The following WWOX variants were observed in gnomAD, a reference collection of about 807,000 sequenced individuals.
WWOX encodes the protein WW domain containing oxidoreductase.
A neutral mutation model predicts 46.2 loss-of-function variants in WWOX; 69 were observed. The ratio of observed to expected loss-of-function variants is 1.49; its 90% CI spans 1.23 to 1.82. The LOEUF is 1.82. Among genes scored for constraint, WWOX ranks in the 40% most tolerant of loss-of-function variants. The pLI is 0.00. For synonymous variants in WWOX, 359 were observed against 202.6 expected (o/e 1.77, Z -6.56); for missense variants, 919 against 542.6 (o/e 1.69, Z -6.89).
intron 8 of WWOX, among the ~76,000 whole-genome samples, chr16:78,921,690 C>G (rs948242647): frequency 1.3e-5 from 2 of 152,134 alleles, no homozygotes; most frequent in Non-Finnish European, 2.9e-5. Context: ...CTTCTGAGTA[C>G]TAACTGTTAA....
At chr16:78,476,515 T>C (rs2084351758) in intron 8 of WWOX, among the ~76,000 whole-genome samples, 3 of 151,732 alleles carry the variant, frequency 2.0e-5, no homozygotes, top group Admixed American at 2.0e-4. Context: ...AAATGACGAG[T>C]TAATGGGTGC....
chr16:79,196,774 T>G (rs2051249103), intron 8 of WWOX, among the ~76,000 whole-genome samples: 1 of 152,034 alleles, frequency 6.6e-6, no homozygotes, highest in Non-Finnish European at 1.5e-5. Flanking sequence ...TTTCACTTGT[T>G]GTAGAGATGT....
intron 5 of WWOX, among the ~76,000 whole-genome samples, chr16:78,325,703 C>A (rs1484450475): frequency 2.0e-5 from 3 of 152,208 alleles, no homozygotes; most frequent in Admixed American, 6.5e-5. Context: ...GGGCTTTTGT[C>A]ACCCTGTGTT....
intron 8 of WWOX, among the ~76,000 whole-genome samples, chr16:78,661,397 T>C (rs1597408523): frequency 6.6e-6 from 1 of 152,176 alleles, no homozygotes; most frequent in Non-Finnish European, 1.5e-5. Context: ...ATCCCTAAGC[T>C]GGGCAATTTT....
At chr16:78,854,764 A>G (rs1300435528) in intron 8 of WWOX, among the ~76,000 whole-genome samples, 1 of 152,106 alleles carries the variant, frequency 6.6e-6, no homozygotes, top group Non-Finnish European at 1.5e-5. Flanking sequence ...TATTTTTAGT[A>G]AAGATGGGGT....
intron 5 of WWOX, among the ~76,000 whole-genome samples, chr16:78,352,533 C>A (rs1284727284): frequency 6.6e-6 from 1 of 152,190 alleles, no homozygotes; most frequent in Admixed American, 6.5e-5. Flanking sequence ...CTCAAACTGC[C>A]CTGTTCCTGG....
intron 5 of WWOX, among the ~76,000 whole-genome samples, chr16:78,253,661 G>A (rs1217865364): frequency 1.3e-5 from 2 of 152,034 alleles, no homozygotes; most frequent in African/African-American, 2.4e-5. Flanking sequence ...CAAAGATATC[G>A]TAAATATATT....
intron 8 of WWOX, among the ~76,000 whole-genome samples, chr16:78,859,087 A>G (rs548958253): frequency 1.2e-4 from 17 of 138,946 alleles, no homozygotes; most frequent in African/African-American, 4.4e-4. Context: ...AAAAAGGACA[A>G]ACGATTTCAG....
intron 8 of WWOX, among the ~76,000 whole-genome samples, chr16:78,464,083 C>T (rs572943469): frequency 1.2e-3 from 190 of 152,238 alleles, no homozygotes; most frequent in African/African-American, 4.5e-3. Context: ...CAGTGACAAC[C>T]GGTCAGGACC....
At chr16:78,953,467 CTATG>C (rs10572462) in intron 8 of WWOX, among the ~76,000 whole-genome samples, 31,608 of 151,962 alleles carry the variant, frequency 0.21, 3,577 homozygotes, top group Middle Eastern at 0.3. Flanking sequence ...CTGCCCCACT[CTATG>C]TATGCAGTTT....
chr16:78,291,890 T>C (rs1280563972), intron 5 of WWOX, among the ~76,000 whole-genome samples: 4 of 152,010 alleles, frequency 2.6e-5, no homozygotes, highest in African/African-American at 9.7e-5. Flanking sequence ...ATTCCCCTTT[T>C]GTGCCTTCGG....
At chr16:79,145,007 C>T (rs533117493) in intron 8 of WWOX, among the ~76,000 whole-genome samples, 8 of 152,158 alleles carry the variant, frequency 5.3e-5, no homozygotes, top group African/African-American at 1.7e-4. Context: ...GGAGTATATC[C>T]CCTGTGCAGA....
intron 8 of WWOX, among the ~76,000 whole-genome samples, chr16:78,632,895 C>T (rs2046470308): frequency 6.6e-6 from 1 of 151,908 alleles, no homozygotes; most frequent in Admixed American, 6.6e-5. Flanking sequence ...CTCTCCACCC[C>T]TGCTACGTGT....
At chr16:78,342,457 G>A (rs2081033421) in intron 5 of WWOX, among the ~76,000 whole-genome samples, 1 of 120,154 alleles carries the variant, frequency 8.3e-6, no homozygotes, top group East Asian at 1.9e-4. Flanking sequence ...CATTTTTTAT[G>A]GGCAGGTTTG....
chr16:78,405,329 A>G (rs2082503259), intron 6 of WWOX, among the ~76,000 whole-genome samples: 1 of 151,932 alleles, frequency 6.6e-6, no homozygotes, highest in Admixed American at 6.6e-5. Context: ...ATAAAAAAAA[A>G]TTAATTAAAT....
At chr16:78,536,668 G>T (rs377055439) in intron 8 of WWOX, among the ~76,000 whole-genome samples, 6 of 152,054 alleles carry the variant, frequency 3.9e-5, no homozygotes, top group African/African-American at 1.2e-4. Context: ...GGATTGTGCC[G>T]GTTTAGCCAG....
intron 8 of WWOX, among the ~76,000 whole-genome samples, chr16:78,638,279 G>C (rs1258293287): frequency 6.6e-6 from 1 of 152,204 alleles, no homozygotes; most frequent in East Asian, 1.9e-4. Context: ...GCCAGGGGCA[G>C]AGTCAGGATC....
At chr16:78,678,960 C>T (rs1335562559) in intron 8 of WWOX, among the ~76,000 whole-genome samples, 1 of 152,176 alleles carries the variant, frequency 6.6e-6, no homozygotes, top group Admixed American at 6.5e-5. Context: ...GGCATCAGTT[C>T]AGCCTGGCCC....
intron 8 of WWOX, among the ~76,000 whole-genome samples, chr16:78,728,819 A>G (rs1466002837): frequency 6.6e-6 from 1 of 152,146 alleles, no homozygotes; most frequent in Non-Finnish European, 1.5e-5. Context: ...ATGCTATGGG[A>G]CCTCAGGTAT....
Sources: allele counts gnomAD v4.1 joint callset (sites outside exome capture counted in the v4.1 genomes callset), GRCh38; gene constraint gnomAD v4.1.1; transcripts MANE v1.5; gene names NCBI Gene and HGNC (gene_info 2026-07-23, HGNC 2026-07-21).